The following CDH13 variants were observed in gnomAD, a reference collection of about 807,000 sequenced individuals.
CDH13 encodes cadherin 13, also known as cadherin-13.
CDH13 carries 24 observed loss-of-function variants against 63.8 expected under a neutral mutation model. The observed-to-expected ratio is 0.38, with a 90% CI of 0.27 to 0.53. The LOEUF is 0.53. Ranked by LOEUF, CDH13 falls within the 20% of genes least tolerant of loss-of-function variation. The pLI is 0.85. For missense variants in CDH13, 1,049 were observed against 903.1 expected, an observed-to-expected ratio of 1.16 and a Z score of -2.07; for synonymous variants, 503 against 355.3, an observed-to-expected ratio of 1.42 and a Z score of -4.67.
chr16:82,960,622 C>T (rs1208333986), intron 2 of CDH13, among the ~76,000 whole-genome samples: 2 of 152,142 alleles, frequency 1.3e-5, no homozygotes, highest in African/African-American at 4.8e-5. Context: ...AACAAAATAG[C>T]ACCTTCAGTT....
At chr16:83,056,812 T>C (rs111717888) in intron 3 of CDH13, among the ~76,000 whole-genome samples, 3 of 152,174 alleles carry the variant, frequency 2.0e-5, no homozygotes, top group African/African-American at 7.2e-5. Context: ...CTCACGAGAT[T>C]TGATGGTTTT....
intron 4 of CDH13, among the ~76,000 whole-genome samples, chr16:83,160,471 C>G (rs1191697221): frequency 1.3e-5 from 2 of 152,110 alleles, no homozygotes; most frequent in Non-Finnish European, 2.9e-5. Context: ...TTGGCTTTAT[C>G]AGAATGGCAA....
chr16:83,148,455 A>C (rs936668792), intron 4 of CDH13, among the ~76,000 whole-genome samples: 1 of 152,246 alleles, frequency 6.6e-6, no homozygotes, highest in African/African-American at 2.4e-5. Context: ...CTGTGGAGTC[A>C]GACTGCAAGG....
At chr16:83,780,818 C>G (rs190976558) in intron 12 of CDH13, among the ~76,000 whole-genome samples, 4 of 152,314 alleles carry the variant, frequency 2.6e-5, no homozygotes, top group African/African-American at 9.6e-5. Flanking sequence ...CTGCTTCTCC[C>G]CAGCTATCTC....
chr16:83,567,557 T>C (rs1350951280), intron 7 of CDH13, among the ~76,000 whole-genome samples: 3 of 152,130 alleles, frequency 2.0e-5, no homozygotes, highest in Non-Finnish European at 4.4e-5. Context: ...AGCAAGAAAT[T>C]GTCTAGACAA....
chr16:83,412,143 A>G (rs1433925486), intron 6 of CDH13, among the ~76,000 whole-genome samples: 7 of 152,208 alleles, frequency 4.6e-5, no homozygotes, highest in Non-Finnish European at 1.5e-5. Flanking sequence ...ATGTGGAATC[A>G]TGTACTTCCT....
chr16:83,304,316 C>T (rs1170981870), intron 5 of CDH13, among the ~76,000 whole-genome samples: 2 of 152,008 alleles, frequency 1.3e-5, no homozygotes, highest in Admixed American at 6.6e-5. Flanking sequence ...GGGAGTGAGG[C>T]AAGATTGGAA....
chr16:83,680,528 G>A (rs953105469), intron 10 of CDH13, among the ~76,000 whole-genome samples: 1 of 152,170 alleles, frequency 6.6e-6, no homozygotes, highest in South Asian at 2.1e-4. Context: ...GGAACATCCA[G>A]GCCAAGATTT....
intron 4 of CDH13, among the ~76,000 whole-genome samples, chr16:83,138,363 G>A (rs542052327): frequency 1.2e-4 from 18 of 152,030 alleles, no homozygotes; most frequent in Non-Finnish European, 1.9e-4. Flanking sequence ...GCTGTGATGG[G>A]GTGCTGTGGG....
At chr16:83,055,459 A>C (rs2030826307) in intron 3 of CDH13, among the ~76,000 whole-genome samples, 2 of 151,964 alleles carry the variant, frequency 1.3e-5, no homozygotes, top group Non-Finnish European at 2.9e-5. Flanking sequence ...AATAAGAAAA[A>C]AGAAGAAGGC....
intron 1 of CDH13, among the ~76,000 whole-genome samples, chr16:82,692,024 A>C (rs1012261768): frequency 5.9e-5 from 9 of 152,242 alleles, no homozygotes; most frequent in African/African-American, 2.2e-4. Context: ...GTTTTTCATA[A>C]TCTGCAAATA....
intron 4 of CDH13, among the ~76,000 whole-genome samples, chr16:83,130,001 G>T (rs1474511204): frequency 6.6e-6 from 1 of 152,132 alleles, no homozygotes; most frequent in Non-Finnish European, 1.5e-5. Context: ...TGCATCCCAG[G>T]AGGGAAAACC....
At chr16:83,156,344 T>C (rs1159681085) in intron 4 of CDH13, among the ~76,000 whole-genome samples, 1 of 152,198 alleles carries the variant, frequency 6.6e-6, no homozygotes, top group East Asian at 1.9e-4. Context: ...AGTTCCATCA[T>C]GTATGCATCT....
At chr16:82,746,321 C>G (rs780416340) in intron 1 of CDH13, among the ~76,000 whole-genome samples, 1 of 143,654 alleles carries the variant, frequency 7.0e-6, no homozygotes, top group Non-Finnish European at 1.6e-5. Context: ...TAAACAATTT[C>G]TAAGTCATAC....
intron 1 of CDH13, among the ~76,000 whole-genome samples, chr16:82,635,977 G>A (rs138094266): frequency 9.9e-5 from 15 of 152,156 alleles, no homozygotes; most frequent in African/African-American, 3.6e-4. Flanking sequence ...AGTTTCCTGA[G>A]GCCTTTGCAG....
intron 2 of CDH13, among the ~76,000 whole-genome samples, chr16:82,973,660 A>G (rs945308907): frequency 6.6e-6 from 1 of 152,222 alleles, no homozygotes; most frequent in South Asian, 2.1e-4. Flanking sequence ...TGGAGGCTGC[A>G]GCGGGTCAAG....
At chr16:82,892,924 A>T (rs2041130462) in intron 2 of CDH13, among the ~76,000 whole-genome samples, 1 of 152,232 alleles carries the variant, frequency 6.6e-6, no homozygotes, top group African/African-American at 2.4e-5. Flanking sequence ...CCCTAAACAC[A>T]TTTTGACATT....
intron 7 of CDH13, among the ~76,000 whole-genome samples, chr16:83,581,203 C>G (rs1013355623): frequency 6.6e-6 from 1 of 152,138 alleles, no homozygotes; most frequent in Non-Finnish European, 1.5e-5. Flanking sequence ...ATTTGGAAAG[C>G]AGGTATGGTC....
chr16:82,673,487 T>C (rs1913537806), intron 1 of CDH13, among the ~76,000 whole-genome samples: 1 of 152,178 alleles, frequency 6.6e-6, no homozygotes, highest in Non-Finnish European at 1.5e-5. Context: ...CTTTGCTTTT[T>C]AGTGATGAAC....
Sources: gnomAD v4.1 joint callset for allele counts (sites outside exome capture counted in the v4.1 genomes callset) on GRCh38, gnomAD v4.1.1 for gene constraint, MANE v1.5 for transcripts, NCBI Gene and HGNC (gene_info 2026-07-23, HGNC 2026-07-21) for gene names.